Variants in ATP10A observed in about 807,000 individuals in gnomAD.
The protein encoded by ATP10A is ATPase phospholipid transporting 10A (putative).
A neutral mutation model predicts 147.8 loss-of-function variants in ATP10A; 111 were observed. The observed-to-expected ratio is 0.75, with a 90% confidence interval of 0.64 to 0.88. The LOEUF (loss-of-function observed/expected upper bound fraction) is 0.88, where lower values mean the gene tolerates loss of function less well. ATP10A is among the 40% of genes least tolerant of loss of function. The pLI, the probability that ATP10A is intolerant of heterozygous loss-of-function variation, is 0.00. For synonymous variants in ATP10A, 875 were observed against 841.6 expected (o/e 1.04, Z -0.69); for missense variants, 1,927 against 1,959.0 (o/e 0.98, Z 0.31).
chr15:25,719,267 C>T (rs1462007289), intron 7 of ATP10A, among the ~76,000 whole-genome samples: 1 of 152,120 alleles, frequency 6.6e-6, no homozygotes, highest in Non-Finnish European at 1.5e-5. Flanking sequence ...CGGCCAGCCG[C>T]GTGGACCACT....
chr15:25,835,248 G>A (rs1484087008), intron 1 of ATP10A, among the ~76,000 whole-genome samples: 1 of 152,146 alleles, frequency 6.6e-6, no homozygotes, highest in Non-Finnish European at 1.5e-5. Flanking sequence ...TCCAGCCTGA[G>A]CAATAGAGTG....
chr15:25,693,037 T>C (rs1900120753), intron 14 of ATP10A, among the ~76,000 whole-genome samples: 1 of 151,934 alleles, frequency 6.6e-6, no homozygotes, highest in Non-Finnish European at 1.5e-5. Context: ...TTTCTTTTTT[T>C]GAGACAGGGT....
chr15:25,718,413 GC>G lies in ATP10A; in HGVS notation c.1364-15del. 1.3e-6 allele frequency: 2 copies of G among 1,576,518 alleles called. No homozygotes were observed. The highest frequency in any genetic ancestry group is 1.8e-5 in the Admixed American group (1 of 55,194). On this transcript the variant is annotated splice_polypyrimidine_tract_variant and intron_variant, in intron 7 of 20. Transcript: ENST00000555815. ...CCAGACGCTGCGCTGCGGGGAGAGG[GC>G]GCAGGGTGAGGCATCATGGGGGAAG... is the stretch of plus-strand genomic sequence containing the variant.
At chr15:25,785,763 G>T (rs1890129278) in intron 1 of ATP10A, among the ~76,000 whole-genome samples, 1 of 152,190 alleles carries the variant, frequency 6.6e-6, no homozygotes, top group Non-Finnish European at 1.5e-5. Flanking sequence ...AGAACGGCTG[G>T]CTGGGGAAGT....
At chr15:25,815,252 G>A (rs1461131346) in intron 1 of ATP10A, among the ~76,000 whole-genome samples, 1 of 152,090 alleles carries the variant, frequency 6.6e-6, no homozygotes. Context: ...ACTGATAAAG[G>A]GAGATCATCA....
chr15:25,860,821 G>C (rs1385496362), intron 1 of ATP10A, among the ~76,000 whole-genome samples: 1 of 152,170 alleles, frequency 6.6e-6, no homozygotes, highest in African/African-American at 2.4e-5. Context: ...TATAAGGATC[G>C]AATGACATAA....
In ATP10A at chr15:25,767,633, C is replaced by T. The variant is rs148040192; in HGVS notation, c.654+13386G>A. ...GCACCCCAGTGCCTGGCCCACCCCA[C>T]ATGAGGGGAGTCAGAATGCAGGGGT... On this transcript the variant is annotated intron_variant, in intron 2 of 20. Transcript: ENST00000555815. Among the ~76,000 whole-genome samples the T allele has an allele frequency of 3.7e-3, 570 of 152,342 alleles. 1 individual carries two copies. Among genetic ancestry groups the T allele is most frequent in the African/African-American group, 0.012 (513 of 41,584 alleles).
chr15:25,762,919 C>T (rs1888833864), intron 2 of ATP10A, among the ~76,000 whole-genome samples: 1 of 152,078 alleles, frequency 6.6e-6, no homozygotes, highest in Admixed American at 6.5e-5. Context: ...TCAGTCAGAC[C>T]TCAATAAGGC....
intron 1 of ATP10A, among the ~76,000 whole-genome samples, chr15:25,820,221 A>T (rs1891823620): frequency 2.0e-5 from 3 of 152,218 alleles, no homozygotes; most frequent in Non-Finnish European, 2.9e-5. Flanking sequence ...TGCATCAGCA[A>T]TAACTAGCTC....
intron 2 of ATP10A, among the ~76,000 whole-genome samples, chr15:25,776,709 TTC>T (rs1316590956): frequency 1.3e-5 from 2 of 152,218 alleles, no homozygotes; most frequent in African/African-American, 4.8e-5. Context: ...AGGCCTCGCC[TTC>T]AGATTCTGGG....
chr15:25,853,419 T>C (rs906011398), intron 1 of ATP10A, among the ~76,000 whole-genome samples: 5 of 152,164 alleles, frequency 3.3e-5, no homozygotes, highest in Admixed American at 3.3e-4. Flanking sequence ...GGGGAAGCCC[T>C]GTCTTTAAAA....
intron 13 of ATP10A, among the ~76,000 whole-genome samples, chr15:25,698,195 C>A (rs79532778): frequency 0.039 from 5,936 of 152,160 alleles, 152 homozygotes; most frequent in South Asian, 0.054. Flanking sequence ...ATGTACTAGG[C>A]TAATGTAAGA....
intron 7 of ATP10A, among the ~76,000 whole-genome samples, chr15:25,719,573 C>G (rs1009161372): frequency 2.0e-5 from 3 of 152,046 alleles, no homozygotes; most frequent in Admixed American, 6.5e-5. Context: ...CACCCTCCCC[C>G]AGCAGTGGTC....
At chr15:25,749,863 T>C (rs1419517976) in intron 2 of ATP10A, among the ~76,000 whole-genome samples, 1 of 152,122 alleles carries the variant, frequency 6.6e-6, no homozygotes. Context: ...GATCAACAGC[T>C]GCTTAGAACT....
intron 2 of ATP10A, among the ~76,000 whole-genome samples, chr15:25,738,044 C>A (rs1229973341): frequency 6.6e-6 from 1 of 152,226 alleles, no homozygotes; most frequent in Non-Finnish European, 1.5e-5. Context: ...CAGAGACCAT[C>A]TTTGAGTTTC....
rs562355514 is a variant in ATP10A at position 25,795,973 on chromosome 15, C to T, written c.450-14750G>A. ...TGTGATTCTGCTCGCCTCTCCCTTC[C>T]CCTATGAGAGGAAGCAGCTGAGGCT... On this transcript the variant is annotated intron_variant, in intron 1 of 20. Coordinates refer to ENST00000555815, the MANE Select transcript of ATP10A (RefSeq NM_024490.4). Among the ~76,000 whole-genome samples, 5 of 152,280 alleles carry T rather than the reference C, an allele frequency of 3.3e-5. No homozygotes were observed. The East Asian group carries it at 9.6e-4, about 29-fold the overall frequency.
intron 2 of ATP10A, among the ~76,000 whole-genome samples, chr15:25,767,083 A>T (rs1889067040): frequency 6.6e-6 from 1 of 152,160 alleles, no homozygotes; most frequent in Non-Finnish European, 1.5e-5. Context: ...GCAGCAATCA[A>T]ATTCCCTTCT....
chr15:25,863,021 T>C lies in ATP10A; in HGVS notation c.76A>G (p.Thr26Ala). 1.0e-5 allele frequency: 14 copies of C among 1,338,868 alleles called. No homozygotes were observed. The highest frequency in any genetic ancestry group is 1.3e-5 in the Non-Finnish European group (14 of 1,052,986). The allele number at this position is 1,338,868 out of a possible 1,614,324, so 82.9% of individuals were successfully genotyped here. ...GGCGGCAGCAGGTTGGAGCGCACCG[T>C]GCGCGTCCTGCCCTCTCGGCGCCTC... ...RRRRREGRTR[T>A]VRSNLLPPPG... The change falls in exon 1 of 21, where the codon ACG (threonine) becomes GCG (alanine). Residue 26 changes from threonine (T) to alanine (A), a missense_variant. Coordinates refer to ENST00000555815, the MANE Select transcript of ATP10A (RefSeq NM_024490.4).
chr15:25,680,744 G>A, intron 19 of ATP10A, 66 bp downstream of exon 19: 2 of 1,440,586 alleles, frequency 1.4e-6, no homozygotes, highest in Non-Finnish European at 2.0e-6. Flanking sequence ...TCATGAATCT[G>A]CAGGGAAGTG....
Sources: allele counts gnomAD v4.1 joint callset (sites outside exome capture counted in the v4.1 genomes callset), GRCh38; gene constraint gnomAD v4.1.1; transcripts MANE v1.5; gene names NCBI Gene and HGNC (gene_info 2026-07-23, HGNC 2026-07-21).